Variants in ZNF407 observed in about 807,000 individuals in gnomAD.
ZNF407 encodes zinc finger protein 407.
Under a neutral mutation model 131.2 loss-of-function variants are expected in ZNF407, and 17 were observed. The ratio of observed to expected loss-of-function variants is 0.13; its 90% CI spans 0.09 to 0.19. The LOEUF (loss-of-function observed/expected upper bound fraction) is 0.19. Ranked by LOEUF, ZNF407 falls within the 10% of genes least tolerant of loss-of-function variation. ZNF407 has a pLI of 1.00. For synonymous variants in ZNF407, 1,156 were observed against 1,062.0 expected, an observed-to-expected ratio of 1.09 and a Z score of -1.72; for missense variants, 2,681 against 2,830.6, an observed-to-expected ratio of 0.95 and a Z score of 1.20.
chr18:74,832,814 C>T (rs1464707143), intron 4 of ZNF407, among the ~76,000 whole-genome samples: 2 of 152,180 alleles, frequency 1.3e-5, no homozygotes, highest in Non-Finnish European at 2.9e-5. Context: ...AACACACATA[C>T]TACATTTTCC....
chr18:74,830,971 A>G (rs975581186), intron 4 of ZNF407, among the ~76,000 whole-genome samples: 27 of 151,858 alleles, frequency 1.8e-4, no homozygotes, highest in African/African-American at 6.1e-4. Flanking sequence ...TTTTGCTTCT[A>G]TGAGATCAAA....
intron 8 of ZNF407, among the ~76,000 whole-genome samples, chr18:75,060,770 G>C (rs1212369633): frequency 6.6e-6 from 1 of 152,186 alleles, no homozygotes. Context: ...CTCCCAAAGT[G>C]CTGGGATGAC....
chr18:74,620,255 G>GA (rs1213689641), intron 1 of ZNF407, among the ~76,000 whole-genome samples: 2 of 152,160 alleles, frequency 1.3e-5, no homozygotes, highest in Non-Finnish European at 2.9e-5. Flanking sequence ...GGAAGGTTTT[G>GA]AAAAAAGAAA....
chr18:75,042,607 G>A (rs1340502435), intron 8 of ZNF407, among the ~76,000 whole-genome samples: 1 of 152,160 alleles, frequency 6.6e-6, no homozygotes, highest in African/African-American at 2.4e-5. Context: ...TAATTTACAT[G>A]CAGTAAATTT....
At chr18:75,031,265 T>C (rs1253352838) in intron 8 of ZNF407, among the ~76,000 whole-genome samples, 3 of 152,244 alleles carry the variant, frequency 2.0e-5, no homozygotes, top group Non-Finnish European at 4.4e-5. Flanking sequence ...AAAACAGTCA[T>C]TAAAGTGATA....
chr18:74,664,167 A>G (rs1985833519), intron 3 of ZNF407, among the ~76,000 whole-genome samples: 1 of 152,204 alleles, frequency 6.6e-6, no homozygotes, highest in Non-Finnish European at 1.5e-5. Flanking sequence ...AGTGAATACC[A>G]TTTAACCAAC....
intron 4 of ZNF407, among the ~76,000 whole-genome samples, chr18:74,820,889 C>T (rs931146013): frequency 2.6e-5 from 4 of 152,078 alleles, no homozygotes; most frequent in African/African-American, 9.7e-5. Context: ...GTTGGAATTG[C>T]AGTCTGGCTC....
chr18:74,626,517 A>G (rs1983792879), intron 1 of ZNF407, among the ~76,000 whole-genome samples: 1 of 152,134 alleles, frequency 6.6e-6, no homozygotes, highest in African/African-American at 2.4e-5. Context: ...CCCGCAGAAT[A>G]TTATCTCAGT....
intron 8 of ZNF407, among the ~76,000 whole-genome samples, chr18:74,977,516 T>C (rs774401311): frequency 2.6e-5 from 4 of 152,228 alleles, no homozygotes; most frequent in Non-Finnish European, 5.9e-5. Flanking sequence ...GATGGCTCAT[T>C]TTAAGCCCCT....
chr18:74,711,600 C>G (rs1967763762), intron 3 of ZNF407, among the ~76,000 whole-genome samples: 1 of 152,174 alleles, frequency 6.6e-6, no homozygotes, highest in Admixed American at 6.5e-5. Flanking sequence ...GGCTGGACTT[C>G]AGAACTGCAG....
At chr18:74,607,503 T>C (rs1025015852) in intron 1 of ZNF407, among the ~76,000 whole-genome samples, 3 of 152,058 alleles carry the variant, frequency 2.0e-5, no homozygotes, top group Non-Finnish European at 2.9e-5. Context: ...AAATGGAGTA[T>C]TTCTCACAGA....
At chr18:74,952,332 C>G (rs1015027058) in intron 8 of ZNF407, among the ~76,000 whole-genome samples, 5 of 152,084 alleles carry the variant, frequency 3.3e-5, no homozygotes, top group Non-Finnish European at 7.4e-5. Flanking sequence ...CCCTTTAATC[C>G]CAACCACAGC....
At chr18:74,983,789 A>G (rs1972620756) in intron 8 of ZNF407, among the ~76,000 whole-genome samples, 1 of 152,178 alleles carries the variant, frequency 6.6e-6, no homozygotes, top group African/African-American at 2.4e-5. Context: ...TGACAGAGAG[A>G]GGCCACACTG....
intron 3 of ZNF407, among the ~76,000 whole-genome samples, chr18:74,757,003 T>A (rs565893702): frequency 2.0e-5 from 3 of 151,988 alleles, no homozygotes; most frequent in Non-Finnish European, 4.4e-5. Flanking sequence ...CTTCATCTGT[T>A]CAGCTAACAG....
intron 8 of ZNF407, among the ~76,000 whole-genome samples, chr18:74,975,230 CT>C (rs1343515806): frequency 2.0e-5 from 3 of 152,228 alleles, no homozygotes; most frequent in Non-Finnish European, 4.4e-5. Context: ...CCACGTGAGT[CT>C]GATTATAGCT....
intron 8 of ZNF407, among the ~76,000 whole-genome samples, chr18:75,035,174 T>G (rs1385368035): frequency 1.3e-5 from 2 of 152,238 alleles, no homozygotes; most frequent in African/African-American, 2.4e-5. Context: ...AGTGTGCATG[T>G]GTTTTGCATC....
rs1021870107 is a variant in ZNF407 at position 74,908,358 on chromosome 18, A to G, written c.5250-12156A>G. 2.9e-4 allele frequency among the ~76,000 whole-genome samples: 44 copies of G among 152,102 alleles called. 1 individual carries two copies. Among genetic ancestry groups the G allele is most frequent in the Non-Finnish European group, 1.2e-4 (8 of 68,020 alleles). Reference sequence around the variant, plus strand: ...GTTAAAATTTTTTAATCCAAATGGTATTTATTTTTGTATGGTGTAGGACAA... The same window carrying G: ...GTTAAAATTTTTTAATCCAAATGGTGTTTATTTTTGTATGGTGTAGGACAA... On this transcript the variant is annotated intron_variant, in intron 7 of 8. Transcript: ENST00000299687.
chr18:74,914,273 G>A (rs965933572), intron 7 of ZNF407, among the ~76,000 whole-genome samples: 1 of 152,174 alleles, frequency 6.6e-6, no homozygotes, highest in Non-Finnish European at 1.5e-5. Context: ...CTGGTGACAC[G>A]TTCTGTCACG....
intron 3 of ZNF407, among the ~76,000 whole-genome samples, chr18:74,744,149 G>T (rs897060963): frequency 2.0e-5 from 3 of 152,072 alleles, no homozygotes; most frequent in African/African-American, 7.2e-5. Flanking sequence ...ATTTATTAAT[G>T]AACTTATTAT....
Sources: allele counts gnomAD v4.1 joint callset (sites outside exome capture counted in the v4.1 genomes callset), GRCh38; gene constraint gnomAD v4.1.1; transcripts MANE v1.5; gene names NCBI Gene and HGNC (gene_info 2026-07-23, HGNC 2026-07-21).